The following GNB5 variants were observed in gnomAD, a reference collection of about 807,000 sequenced individuals.
GNB5 encodes the protein guanine nucleotide-binding protein subunit beta-5.
Under a neutral mutation model 55.3 loss-of-function variants are expected in GNB5, and 37 were observed. The ratio of observed to expected loss-of-function variants is 0.67; its 90% CI spans 0.51 to 0.88. The LOEUF (loss-of-function observed/expected upper bound fraction) is 0.88. GNB5 is among the 40% of genes least tolerant of loss of function. The probability of loss-of-function intolerance (pLI) is 0.00; values close to 1 mark genes in which losing one functional copy is unlikely to be tolerated. For missense variants in GNB5, 476 were observed against 515.3 expected (o/e 0.92, Z 0.74); for synonymous variants, 219 against 198.5 (o/e 1.10, Z -0.87).
At chr15:52,129,014 G>T (rs2033507859) in intron 9 of GNB5, among the ~76,000 whole-genome samples, 1 of 147,504 alleles carries the variant, frequency 6.8e-6, no homozygotes, top group Non-Finnish European at 1.5e-5. Context: ...GGAGTGCAAT[G>T]GCGTGAACTT....
chr15:52,185,659 A>C, intron 1 of GNB5, among the ~76,000 whole-genome samples: 1 of 152,020 alleles, frequency 6.6e-6, no homozygotes, highest in East Asian at 1.9e-4. Flanking sequence ...TTATCTGAGG[A>C]ATGCAAGCCC....
intron 1 of GNB5, among the ~76,000 whole-genome samples, chr15:52,190,117 ATT>A (rs68061912): frequency 0.072 from 10,306 of 143,914 alleles, 452 homozygotes; most frequent in African/African-American, 0.1. Flanking sequence ...ATCTCAATAA[ATT>A]TTTTTTTTTT....
At chr15:52,164,400 C>T (rs1257173969) in intron 3 of GNB5, among the ~76,000 whole-genome samples, 1 of 150,410 alleles carries the variant, frequency 6.6e-6, no homozygotes, top group African/African-American at 2.5e-5. Context: ...GGGCGGATCA[C>T]GAAGTCAGGA....
At chr15:52,154,346 G>C (rs562368773) in intron 3 of GNB5, among the ~76,000 whole-genome samples, 1 of 152,316 alleles carries the variant, frequency 6.6e-6, no homozygotes, top group African/African-American at 2.4e-5. Flanking sequence ...TGCATGTTGA[G>C]GGATTAACAA....
chr15:52,125,746 C>T (rs2033407453), intron 11 of GNB5: 9 of 554,206 alleles, frequency 1.6e-5, no homozygotes, highest in African/African-American at 7.5e-5. Context: ...CTTCATTTCC[C>T]CCTGGAGTGA....
chr15:52,187,086 T>A (rs537838833), intron 1 of GNB5, among the ~76,000 whole-genome samples: 2 of 152,308 alleles, frequency 1.3e-5, no homozygotes, highest in African/African-American at 4.8e-5. Flanking sequence ...GAATACACAC[T>A]TTGGAACCCT....
intron 3 of GNB5, among the ~76,000 whole-genome samples, chr15:52,163,428 G>C (rs1026694785): frequency 6.6e-6 from 1 of 152,228 alleles, no homozygotes; most frequent in Non-Finnish European, 1.5e-5. Context: ...AAGACTCACT[G>C]TCTTGTAATT....
intron 3 of GNB5, among the ~76,000 whole-genome samples, chr15:52,170,884 T>C (rs1420993620): frequency 2.0e-5 from 3 of 151,862 alleles, no homozygotes; most frequent in African/African-American, 7.3e-5. Context: ...GGCAGGCAGA[T>C]CACCTGAGGT....
chr15:52,183,176 T>A (rs1373679703), intron 2 of GNB5, among the ~76,000 whole-genome samples: 2 of 152,192 alleles, frequency 1.3e-5, no homozygotes, highest in Admixed American at 6.5e-5. Context: ...ATAGTAGCGC[T>A]AGCTGGCAAC....
Position 52,126,696 on chromosome 15 carries a change from TGGTTTCCTTAGACTA to T in GNB5, c.913-667_913-653del, listed in dbSNP as rs553434501. On this transcript the variant is annotated intron_variant, in intron 10 of 12. Transcript: ENST00000261837. ...ATATAAAAATCTTTACATGTGTTTCTGGTTTCCTTAGACTAGGTTTCCTTAGACTAGGTTAAGAAA... is the reference window on the plus strand; with the variant it reads ...ATATAAAAATCTTTACATGTGTTTCTGGTTTCCTTAGACTAGGTTAAGAAA... Among the ~76,000 whole-genome samples, 256 of 152,342 alleles carry T rather than the reference TGGTTTCCTTAGACTA, an allele frequency of 1.7e-3. 1 individual carries two copies. The highest frequency in any genetic ancestry group is 6.1e-3 in the African/African-American group (252 of 41,572).
intron 6 of GNB5, among the ~76,000 whole-genome samples, chr15:52,145,477 A>C (rs919676558): frequency 1.9e-5 from 2 of 107,946 alleles, no homozygotes; most frequent in African/African-American, 2.8e-5. Flanking sequence ...CCATCTCTGC[A>C]AAAAAAAAAA....
At position 52,122,355 on chromosome 15, in the gene GNB5, C is replaced by G. The variant is rs79339279; in HGVS notation, c.*402G>C. The G allele has an allele frequency of 0.015, 2,501 of 171,482 alleles. 76 individuals are homozygous for G. Among genetic ancestry groups the G allele is most frequent in the African/African-American group, 0.056 (2,354 of 42,144 alleles). 10.6% of individuals were successfully genotyped at this position (171,482 alleles called of 1,614,324 possible). On this transcript the variant is annotated 3_prime_UTR_variant, in exon 13 of 13. Coordinates refer to ENST00000261837, the MANE Select transcript of GNB5 (RefSeq NM_016194.4). ...ACTTCCAGAGGAAGGTTCCAGGCAT[C>G]ACAGTGCACATCGAGAAATATCAGA...
In GNB5 at chr15:52,122,536, T is replaced by C. The variant is rs1446305149; in HGVS notation, c.*221A>G. The C allele has an allele frequency of 8.0e-6, 4 of 498,602 alleles. No homozygotes were observed. The highest frequency in any genetic ancestry group is 6.1e-5 in the East Asian group (2 of 32,676). The allele number at this position is 498,602 out of a possible 1,614,324, so 30.9% of individuals were successfully genotyped here. A position where few individuals can be genotyped will look rare whatever the true frequency, so the allele number is the denominator to read the frequency against. ...AAAAAGTGTTCCAAAAGAAAAATAC[T>C]GTACTTGAAGGTATTCTCGCAGTGC... is the stretch of plus-strand genomic sequence containing the variant. On this transcript the variant is annotated 3_prime_UTR_variant, in exon 13 of 13. Coordinates refer to ENST00000261837, the MANE Select transcript of GNB5 (RefSeq NM_016194.4).
At chr15:52,151,421 G>A (rs1026856249) in intron 4 of GNB5, among the ~76,000 whole-genome samples, 1 of 152,202 alleles carries the variant, frequency 6.6e-6, no homozygotes, top group Non-Finnish European at 1.5e-5. Context: ...GGTGAGCACA[G>A]ATTTATGTGC....
Position 52,122,591 on chromosome 15 carries a change from G to A in GNB5, c.*166C>T, listed in dbSNP as rs2033299324. 1.6e-6 allele frequency: 1 copy of A among 639,978 alleles called. No individual in the cohort carries two copies. The highest frequency in any genetic ancestry group is 2.8e-6 in the Non-Finnish European group (1 of 358,116). 39.6% of individuals were successfully genotyped at this position (639,978 alleles called of 1,614,324 possible). Reference sequence around the variant, plus strand: ...GGCTCACACTAGTGTATTTCCAGAGGTGACAGTTTTAATAGTCATATTGGA... The same window carrying A: ...GGCTCACACTAGTGTATTTCCAGAGATGACAGTTTTAATAGTCATATTGGA... On this transcript the variant is annotated 3_prime_UTR_variant, in exon 13 of 13. Coordinates refer to ENST00000261837, the MANE Select transcript of GNB5 (RefSeq NM_016194.4).
intron 10 of GNB5, 165 bp from the exon 11 acceptor site, chr15:52,126,209 T>A: frequency 1.8e-6 from 1 of 560,600 alleles, no homozygotes; most frequent in East Asian, 2.9e-5. Context: ...CCGACTCCTG[T>A]TAATTTCTAT....
intron 3 of GNB5, among the ~76,000 whole-genome samples, chr15:52,178,917 G>A (rs2034704088): frequency 1.3e-5 from 2 of 152,230 alleles, no homozygotes; most frequent in South Asian, 4.1e-4. Context: ...GCCACCCTCA[G>A]AGCTCAAAAG....
At chr15:52,126,831 G>A (rs1448628692) in intron 10 of GNB5, among the ~76,000 whole-genome samples, 5 of 152,086 alleles carry the variant, frequency 3.3e-5, no homozygotes, top group East Asian at 1.9e-4. Context: ...AATTTCGCTC[G>A]TCACCCAGGC....
chr15:52,139,959 T>A (rs1446521641), intron 7 of GNB5: 1 of 1,280,690 alleles, frequency 7.8e-7, no homozygotes, highest in African/African-American at 1.5e-5. Context: ...CTCTGTTGCT[T>A]TGGTTTGCCT....
Sources: gnomAD v4.1 joint callset for allele counts (sites outside exome capture counted in the v4.1 genomes callset) on GRCh38, gnomAD v4.1.1 for gene constraint, MANE v1.5 for transcripts, NCBI Gene and HGNC (gene_info 2026-07-23, HGNC 2026-07-21) for gene names.